The following TEAD1 variants were observed in gnomAD, a reference collection of about 807,000 sequenced individuals.
TEAD1 encodes TEA domain transcription factor 1, also known as transcriptional enhancer factor TEF-1.
A neutral mutation model predicts 54.9 loss-of-function variants in TEAD1; 9 were observed. That is an observed-to-expected ratio of 0.16 (90% CI 0.10 to 0.29). The LOEUF (loss-of-function observed/expected upper bound fraction) is 0.29. Ranked by LOEUF, TEAD1 falls within the 10% of genes least tolerant of loss-of-function variation. TEAD1 has a pLI of 1.00. For synonymous variants in TEAD1, 200 were observed against 187.8 expected (o/e 1.07, Z -0.53); for missense variants, 387 against 535.9 (o/e 0.72, Z 2.74).
At chr11:12,809,286 A>G (rs985987213) in intron 3 of TEAD1, among the ~76,000 whole-genome samples, 3 of 152,136 alleles carry the variant, frequency 2.0e-5, no homozygotes, top group Admixed American at 6.5e-5. Flanking sequence ...GTTCCTGGTG[A>G]ATTCCTGACT....
intron 2 of TEAD1, among the ~76,000 whole-genome samples, chr11:12,748,328 A>C (rs768996840): frequency 5.3e-5 from 8 of 152,208 alleles, no homozygotes; most frequent in African/African-American, 7.2e-5. Context: ...GAGTTCCAAC[A>C]ATCTGTCAGG....
At chr11:12,774,304 T>C (rs1945373838) in intron 3 of TEAD1, among the ~76,000 whole-genome samples, 1 of 152,182 alleles carries the variant, frequency 6.6e-6, no homozygotes, top group Non-Finnish European at 1.5e-5. Context: ...ACTGTGAAGC[T>C]CATCCACAGT....
intron 2 of TEAD1, among the ~76,000 whole-genome samples, chr11:12,755,237 T>C (rs1472393262): frequency 6.6e-6 from 1 of 152,194 alleles, no homozygotes; most frequent in African/African-American, 2.4e-5. Flanking sequence ...GTCATGCAGC[T>C]GAGGGGACTT....
intron 3 of TEAD1, among the ~76,000 whole-genome samples, chr11:12,853,975 C>G (rs564515569): frequency 6.6e-6 from 1 of 152,276 alleles, no homozygotes; most frequent in African/African-American, 2.4e-5. Context: ...TGAATGCAGA[C>G]ACATATTATC....
chr11:12,804,136 G>A (rs986737137), intron 3 of TEAD1, among the ~76,000 whole-genome samples: 2 of 152,230 alleles, frequency 1.3e-5, no homozygotes, highest in African/African-American at 4.8e-5. Flanking sequence ...TCTCTTTGAA[G>A]TATTAACTTG....
intron 2 of TEAD1, among the ~76,000 whole-genome samples, chr11:12,701,547 G>A (rs1408467646): frequency 2.6e-5 from 4 of 152,094 alleles, no homozygotes; most frequent in Non-Finnish European, 4.4e-5. Context: ...TTGAGTAATC[G>A]GAAGGGTCAT....
intron 3 of TEAD1, among the ~76,000 whole-genome samples, chr11:12,786,716 G>A (rs993031430): frequency 1.3e-5 from 2 of 152,194 alleles, no homozygotes; most frequent in African/African-American, 2.4e-5. Context: ...AGCAACAACA[G>A]ACAAGAGTTG....
chr11:12,924,769 G>A lies in TEAD1; in HGVS notation c.874-143G>A. 7 of 999,500 alleles carry A rather than the reference G, an allele frequency of 7.0e-6. No individual in the cohort carries two copies. The South Asian group carries it at 9.1e-5, about 13-fold the overall frequency. The allele number at this position is 999,500 out of a possible 1,614,324, so 61.9% of individuals were successfully genotyped here. On this transcript the variant is annotated intron_variant, in intron 10 of 12. Coordinates refer to ENST00000527636, the MANE Select transcript of TEAD1 (RefSeq NM_021961.6). ...CTTTAAAAAACGACAGATGGGTATTGAACTTGTTTCTAGATGAGCATCACC... is the reference window on the plus strand; with the variant it reads ...CTTTAAAAAACGACAGATGGGTATTAAACTTGTTTCTAGATGAGCATCACC...
intron 3 of TEAD1, among the ~76,000 whole-genome samples, chr11:12,859,401 G>T (rs895259797): frequency 9.9e-5 from 15 of 151,626 alleles, no homozygotes; most frequent in Non-Finnish European, 1.9e-4. Flanking sequence ...CGCTCAAATA[G>T]CCCTGAACAG....
chr11:12,925,131 A>C, intron 11 of TEAD1, 79 bp downstream of exon 11: 1 of 1,549,080 alleles, frequency 6.5e-7, no homozygotes, highest in Non-Finnish European at 8.8e-7. Context: ...TGGGGCAGAG[A>C]GTTGTATTTT....
At chr11:12,696,509 A>C (rs1943586135) in intron 2 of TEAD1, among the ~76,000 whole-genome samples, 3 of 152,214 alleles carry the variant, frequency 2.0e-5, no homozygotes, top group African/African-American at 7.2e-5. Flanking sequence ...ACAAGAGACC[A>C]AGGGAATAGT....
At chr11:12,746,227 G>T (rs1944743216) in intron 2 of TEAD1, among the ~76,000 whole-genome samples, 1 of 152,148 alleles carries the variant, frequency 6.6e-6, no homozygotes, top group South Asian at 2.1e-4. Context: ...TAGGGAAGAA[G>T]AAAAAATAAT....
At chr11:12,688,459 AC>A (rs1018081103) in intron 2 of TEAD1, among the ~76,000 whole-genome samples, 3 of 151,958 alleles carry the variant, frequency 2.0e-5, no homozygotes, top group African/African-American at 7.3e-5. Context: ...AGTTTTTAGG[AC>A]TCTGTGCTCA....
At chr11:12,698,168 A>G (rs1943626432) in intron 2 of TEAD1, among the ~76,000 whole-genome samples, 1 of 152,210 alleles carries the variant, frequency 6.6e-6, no homozygotes, top group South Asian at 2.1e-4. Flanking sequence ...TCAGTCGGGT[A>G]ACTCTTTGAT....
chr11:12,830,193 C>A lies in TEAD1; in HGVS notation c.203-32057C>A, dbSNP rs548589567. Among the ~76,000 whole-genome samples, 3 of 150,868 alleles carry A rather than the reference C, an allele frequency of 2.0e-5. No homozygotes were observed. In the South Asian group the frequency reaches 6.2e-4, roughly 31 times the overall value. On this transcript the variant is annotated intron_variant, in intron 3 of 12. Coordinates refer to ENST00000527636, the MANE Select transcript of TEAD1 (RefSeq NM_021961.6). Reference sequence around the variant, plus strand: ...ATTGAGGTTTCAAAGACCAAATAAACAAAGGAAGACAGCATCTTGGGGAGT... The same window carrying A: ...ATTGAGGTTTCAAAGACCAAATAAAAAAAGGAAGACAGCATCTTGGGGAGT...
At chr11:12,815,686 T>G (rs1314073480) in intron 3 of TEAD1, among the ~76,000 whole-genome samples, 1 of 152,226 alleles carries the variant, frequency 6.6e-6, no homozygotes, top group Non-Finnish European at 1.5e-5. Context: ...GTATAGAAAT[T>G]CAACAGTTTT....
chr11:12,753,228 C>T (rs976874243), intron 2 of TEAD1, among the ~76,000 whole-genome samples: 100 of 152,288 alleles, frequency 6.6e-4, no homozygotes, highest in African/African-American at 2.4e-3. Context: ...TATAAACATT[C>T]CTATACCTGT....
At chr11:12,930,527 G>A (rs1301929690) in intron 12 of TEAD1, among the ~76,000 whole-genome samples, 1 of 152,170 alleles carries the variant, frequency 6.6e-6, no homozygotes, top group Non-Finnish European at 1.5e-5. Flanking sequence ...AAGAGAAGGG[G>A]TTTTATCTGG....
chr11:12,855,741 C>T (rs920598864), intron 3 of TEAD1, among the ~76,000 whole-genome samples: 24 of 151,542 alleles, frequency 1.6e-4, no homozygotes, highest in Non-Finnish European at 2.9e-5. Flanking sequence ...GCTAGGAGTT[C>T]GAGACTAGCC....
Sources: allele counts gnomAD v4.1 joint callset (sites outside exome capture counted in the v4.1 genomes callset), GRCh38; gene constraint gnomAD v4.1.1; transcripts MANE v1.5; gene names NCBI Gene and HGNC (gene_info 2026-07-23, HGNC 2026-07-21).